CTNNA3: variants seen among roughly 807,000 people sequenced by gnomAD.
CTNNA3 encodes the protein catenin alpha 3, also known as catenin alpha-3.
Under a neutral mutation model 95.7 loss-of-function variants are expected in CTNNA3, and 76 were observed. That is an observed-to-expected ratio of 0.79 (90% confidence interval 0.66 to 0.96). CTNNA3 has a LOEUF of 0.96. Among genes scored for constraint, CTNNA3 ranks in the 40% least tolerant of loss-of-function variants. The pLI is 0.00. For missense variants in CTNNA3, 1,191 were observed against 1,089.8 expected, an observed-to-expected ratio of 1.09 and a Z score of -1.31; for synonymous variants, 431 against 374.4, an observed-to-expected ratio of 1.15 and a Z score of -1.74.
At chr10:67,648,448 C>T (rs757227340) in intron 1 of CTNNA3, among the ~76,000 whole-genome samples, 6 of 152,158 alleles carry the variant, frequency 3.9e-5, no homozygotes, top group African/African-American at 9.7e-5. Context: ...TTCTCTTTCT[C>T]TTATTGAAAA....
chr10:66,000,998 C>T (rs530656409), intron 15 of CTNNA3, among the ~76,000 whole-genome samples: 120 of 152,154 alleles, frequency 7.9e-4, no homozygotes, highest in African/African-American at 2.8e-3. Flanking sequence ...TGGGCATTAC[C>T]ATGAATGCAA....
intron 1 of CTNNA3, among the ~76,000 whole-genome samples, chr10:67,653,256 C>A (rs767520331): frequency 6.6e-6 from 1 of 152,184 alleles, no homozygotes; most frequent in Non-Finnish European, 1.5e-5. Flanking sequence ...ATGAGGACAA[C>A]ACCAAGAGGC....
intron 7 of CTNNA3, among the ~76,000 whole-genome samples, chr10:66,809,879 A>C (rs150394206): frequency 0.014 from 2,108 of 148,490 alleles, 57 homozygotes; most frequent in African/African-American, 0.05. Context: ...ATCTCAGCTC[A>C]CTGCAACCTC....
chr10:66,833,238 G>T (rs569732153), intron 7 of CTNNA3, among the ~76,000 whole-genome samples: 2 of 152,290 alleles, frequency 1.3e-5, no homozygotes, highest in Non-Finnish European at 2.9e-5. Context: ...ACACTGAATA[G>T]GGAGAGCAGA....
At position 67,555,683 on chromosome 10, in the gene CTNNA3, T is replaced by A. The variant is rs907812565; in HGVS notation, c.293-16014A>T. On this transcript the variant is annotated intron_variant, in intron 3 of 17. Transcript: ENST00000433211. Reference sequence around the variant, plus strand: ...AGACGATGGGGTTTTCTAGATATACTATCATGTTATCTGCAAACAGAGACA... The same window carrying A: ...AGACGATGGGGTTTTCTAGATATACAATCATGTTATCTGCAAACAGAGACA... Among the ~76,000 whole-genome samples the A allele has an allele frequency of 3.3e-5, 5 of 152,306 alleles. No homozygotes were observed. In the East Asian group the frequency reaches 9.6e-4, roughly 29 times the overall value.
intron 16 of CTNNA3, among the ~76,000 whole-genome samples, chr10:65,979,097 C>T (rs1214801830): frequency 6.6e-6 from 1 of 152,078 alleles, no homozygotes; most frequent in Non-Finnish European, 1.5e-5. Context: ...GTTATATATG[C>T]TGTTAAAATC....
At chr10:66,340,176 C>T (rs1283549316) in intron 12 of CTNNA3, among the ~76,000 whole-genome samples, 1 of 151,780 alleles carries the variant, frequency 6.6e-6, no homozygotes, top group Non-Finnish European at 1.5e-5. Context: ...ACTTCCCTTG[C>T]CTGACTAGCT....
At position 66,845,709 on chromosome 10, in the gene CTNNA3, A is replaced by AAAAAAAAAAC. The variant is rs1564719747; in HGVS notation, c.1048-70186_1048-70185insGTTTTTTTTT. ...CAACAGCAAAACTCTGTCTCAAAAAAAAAAAAAAAAAAAAAAAAAACTAAA... is the reference window on the plus strand; with the variant it reads ...CAACAGCAAAACTCTGTCTCAAAAAAAAAAAAAAACAAAAAAAAAAAAAAAAAAAACTAAA... On this transcript the variant is annotated intron_variant, in intron 7 of 17. Coordinates refer to ENST00000433211, the MANE Select transcript of CTNNA3 (RefSeq NM_013266.4). 5.6e-4 allele frequency among the ~76,000 whole-genome samples: 49 copies of AAAAAAAAAAC among 88,180 alleles called. 2 individuals are homozygous for AAAAAAAAAAC. Among genetic ancestry groups the AAAAAAAAAAC allele is most frequent in the South Asian group, 1.7e-3 (4 of 2,396 alleles). The allele number at this position is 88,180 out of a possible 152,430, so 57.8% of individuals were successfully genotyped here. A position where few individuals can be genotyped will look rare whatever the true frequency, so the allele number is the denominator to read the frequency against.
chr10:67,410,322 G>T (rs1448191287), intron 5 of CTNNA3, among the ~76,000 whole-genome samples: 2 of 151,988 alleles, frequency 1.3e-5, no homozygotes, highest in Non-Finnish European at 2.9e-5. Flanking sequence ...ATAGACACAT[G>T]GGGGGAACAA....
chr10:66,427,845 T>C (rs1229744402), intron 11 of CTNNA3, among the ~76,000 whole-genome samples: 2 of 152,132 alleles, frequency 1.3e-5, no homozygotes, highest in African/African-American at 4.8e-5. Context: ...CTGCATCAAC[T>C]AATGAGCAAA....
At chr10:67,039,854 A>G (rs1432065601) in intron 7 of CTNNA3, among the ~76,000 whole-genome samples, 1 of 152,162 alleles carries the variant, frequency 6.6e-6, no homozygotes, top group Non-Finnish European at 1.5e-5. Flanking sequence ...ATCTTCCAAG[A>G]CCGTTACAGA....
At chr10:67,146,565 G>A (rs1860855394) in intron 7 of CTNNA3, among the ~76,000 whole-genome samples, 3 of 152,206 alleles carry the variant, frequency 2.0e-5, no homozygotes, top group African/African-American at 7.2e-5. Flanking sequence ...GAGCCAGTTA[G>A]TAATCATTTG....
At chr10:66,730,581 C>T (rs999064470) in intron 9 of CTNNA3, among the ~76,000 whole-genome samples, 3 of 152,130 alleles carry the variant, frequency 2.0e-5, no homozygotes, top group Admixed American at 6.5e-5. Flanking sequence ...CAAACCTATA[C>T]ATTTTGCACA....
chr10:66,018,818 A>C (rs752674432), intron 15 of CTNNA3, among the ~76,000 whole-genome samples: 6 of 152,142 alleles, frequency 3.9e-5, no homozygotes, highest in Non-Finnish European at 5.9e-5. Context: ...TTTTCAATAA[A>C]TGATTCCTCA....
chr10:66,847,870 T>G (rs1484936856), intron 7 of CTNNA3, among the ~76,000 whole-genome samples: 1 of 152,150 alleles, frequency 6.6e-6, no homozygotes, highest in African/African-American at 2.4e-5. Flanking sequence ...TATTAGGAAT[T>G]AATAGATAAT....
intron 7 of CTNNA3, among the ~76,000 whole-genome samples, chr10:66,921,220 C>A (rs1449666242): frequency 6.6e-6 from 1 of 152,072 alleles, no homozygotes; most frequent in Non-Finnish European, 1.5e-5. Flanking sequence ...CTCTTTTTAT[C>A]CTTATAATCC....
At chr10:65,944,590 G>T (rs1232478446) in intron 17 of CTNNA3, among the ~76,000 whole-genome samples, 1 of 152,208 alleles carries the variant, frequency 6.6e-6, no homozygotes, top group Non-Finnish European at 1.5e-5. Flanking sequence ...TGTACATTGT[G>T]CAGGGAGAGA....
chr10:67,217,827 T>C (rs1864452894), intron 6 of CTNNA3, among the ~76,000 whole-genome samples: 1 of 144,178 alleles, frequency 6.9e-6, no homozygotes, highest in Non-Finnish European at 1.6e-5. Context: ...TGAGCGTTGC[T>C]AATCTAAAAA....
At chr10:66,914,645 A>C (rs1341068152) in intron 7 of CTNNA3, among the ~76,000 whole-genome samples, 1 of 152,146 alleles carries the variant, frequency 6.6e-6, no homozygotes, top group East Asian at 1.9e-4. Context: ...AAGATAACTT[A>C]AAAAGAGCTC....
Sources: gnomAD v4.1 joint callset for allele counts (sites outside exome capture counted in the v4.1 genomes callset) on GRCh38, gnomAD v4.1.1 for gene constraint, MANE v1.5 for transcripts, NCBI Gene and HGNC (gene_info 2026-07-23, HGNC 2026-07-21) for gene names.